GSDMB: variants seen among roughly 807,000 people sequenced by gnomAD.
GSDMB encodes the protein gasdermin-B.
GSDMB carries 32 observed loss-of-function variants against 42.9 expected under a neutral mutation model. The ratio of observed to expected loss-of-function variants is 0.75; its 90% CI spans 0.56 to 1.00. GSDMB has a LOEUF of 1.00. Ranked by LOEUF, GSDMB falls within the 50% of genes least tolerant of loss-of-function variation. GSDMB has a pLI of 0.00. For missense variants in GSDMB, 468 were observed against 498.5 expected, an observed-to-expected ratio of 0.94 and a Z score of 0.58; for synonymous variants, 175 against 193.7, an observed-to-expected ratio of 0.90 and a Z score of 0.80.
chr17:39,909,671 G>T, intron 4 of GSDMB, 85 bp downstream of exon 4: 1 of 1,216,736 alleles, frequency 8.2e-7, no homozygotes, highest in Non-Finnish European at 1.2e-6. Context: ...AGGAGTGAAG[G>T]AAGAGTCTAA....
chr17:39,912,180 A>G (rs2063622615), intron 3 of GSDMB, 146 bp downstream of exon 3: 2 of 609,540 alleles, frequency 3.3e-6, no homozygotes, highest in South Asian at 4.7e-5. Flanking sequence ...CTAGAGAGCC[A>G]GTCCCCCACA....
chr17:39,913,462 A>C (rs1023294520), intron 2 of GSDMB, among the ~76,000 whole-genome samples: 5 of 152,118 alleles, frequency 3.3e-5, no homozygotes, highest in African/African-American at 1.2e-4. Flanking sequence ...ATCTCTACCA[A>C]ATTAGTCGGG....
In GSDMB at chr17:39,909,771, G is replaced by T; in HGVS notation, c.561C>A (p.Leu187=). Residue 187 remains leucine (L), a synonymous_variant, in exon 4 of 11, where the codon CTC becomes CTA. Coordinates refer to ENST00000418519, the MANE Select transcript of GSDMB (RefSeq NM_001165958.2). The part of the protein sequence containing the change: ...KFWSQISQGH[L]SYKHKGQREV... Reference sequence around the variant, plus strand: ...GGATCCTAACCTTGTGTTTATAGCTGAGATGGCCCTGAGAGATCTGGCTCC... The same window carrying T: ...GGATCCTAACCTTGTGTTTATAGCTTAGATGGCCCTGAGAGATCTGGCTCC... 6.2e-7 allele frequency: 1 copy of T among 1,613,916 alleles called. No individual in the cohort carries two copies. The highest frequency in any genetic ancestry group is 8.5e-7 in the Non-Finnish European group (1 of 1,179,964).
chr17:39,907,154 T>C, intron 6 of GSDMB, 167 bp from the exon 7 acceptor site: 1 of 1,448,202 alleles, frequency 6.9e-7, no homozygotes, highest in Admixed American at 2.4e-5. Context: ...AGCACTGTAT[T>C]TGCAGACCCT....
At chr17:39,918,233 T>G (rs1190156681) in intron 1 of GSDMB, 1 of 152,242 alleles carries the variant, frequency 6.6e-6, no homozygotes, top group African/African-American at 2.4e-5. Flanking sequence ...GCTCCCTGCC[T>G]TGCTGTATTC....
In GSDMB at chr17:39,904,785, G is replaced by A; in HGVS notation, c.*27C>T. 6.2e-7 allele frequency: 1 copy of A among 1,608,064 alleles called. No individual in the cohort carries two copies. Among genetic ancestry groups the A allele is most frequent in the Non-Finnish European group, 8.5e-7 (1 of 1,175,266 alleles). The stretch of plus-strand genomic sequence containing the variant: ...AGACTGGTAAAGGGAAAACCCAGAG[G>A]CTTGTGGGGAGAAAGGGCTTTTGTA... On this transcript the variant is annotated 3_prime_UTR_variant, in exon 11 of 11. Coordinates refer to ENST00000418519, the MANE Select transcript of GSDMB (RefSeq NM_001165958.2).
At chr17:39,906,452 G>C in intron 7 of GSDMB, 181 bp from the exon 8 acceptor site, 1 of 924,308 alleles carries the variant, frequency 1.1e-6, no homozygotes, top group Non-Finnish European at 1.6e-6. Context: ...GCCTCCCACT[G>C]ACCCCACTTC....
rs1381764837 is a variant in GSDMB, at chr17:39,917,071, C to T, written c.235+11G>A. The T allele has an allele frequency of 6.3e-7, 1 of 1,594,278 alleles. No individual in the cohort carries two copies. The highest frequency in any genetic ancestry group is 2.2e-5 in the East Asian group (1 of 44,792). ...TCCTGGCTGGCCACCTGTCATCTAC[C>T]TTATACTGACCTTGGAGCCCAGAAT... On this transcript the variant is annotated intron_variant, in intron 2 of 10. Coordinates refer to ENST00000418519, the MANE Select transcript of GSDMB (RefSeq NM_001165958.2).
At chr17:39,905,587 A>C in intron 9 of GSDMB, 91 bp from the exon 10 acceptor site, 2 of 1,106,358 alleles carry the variant, frequency 1.8e-6, no homozygotes, top group Non-Finnish European at 2.7e-6. Context: ...TATCATCAAA[A>C]GGTTCCAGAG....
Position 39,906,955 on chromosome 17 carries a change from C to A in GSDMB, c.727+6G>T. ...CACCCTGAACACACTTGGCTATCAC[C>A]CTTACCTAAACAGGATGAAGCACCA... On this transcript the variant is annotated splice_donor_region_variant and intron_variant, in intron 7 of 10. Transcript: ENST00000418519. The A allele has an allele frequency of 1.2e-6, 2 of 1,614,018 alleles. No homozygotes were observed. The highest frequency in any genetic ancestry group is 8.5e-7 in the Non-Finnish European group (1 of 1,179,966).
chr17:39,904,975 A>AT lies in GSDMB; in HGVS notation c.1099-12_1099-11insA. ...CATGACAGATTTCACCTGGAAGGAAACCCCCCAGATTGTAACAGCTAGGAA... is the reference window on the plus strand; with the variant it reads ...CATGACAGATTTCACCTGGAAGGAAATCCCCCCAGATTGTAACAGCTAGGAA... On this transcript the variant is annotated splice_polypyrimidine_tract_variant and intron_variant, in intron 10 of 10. Transcript: ENST00000418519. 1 of 1,612,164 alleles carries AT rather than the reference A, an allele frequency of 6.2e-7. No homozygotes were observed. Among genetic ancestry groups the AT allele is most frequent in the Non-Finnish European group, 8.5e-7 (1 of 1,178,770 alleles).
At chr17:39,912,951 A>G (rs1396335583) in intron 2 of GSDMB, among the ~76,000 whole-genome samples, 1 of 151,754 alleles carries the variant, frequency 6.6e-6, no homozygotes, top group African/African-American at 2.4e-5. Context: ...ACTAAAAAAT[A>G]CAAAAAGTAG....
chr17:39,917,471 A>G, intron 1 of GSDMB, 141 bp from the exon 2 acceptor site: 1 of 619,124 alleles, frequency 1.6e-6, no homozygotes, highest in Non-Finnish European at 2.9e-6. Flanking sequence ...GCATGTATAC[A>G]TCCAGATGGC....
At chr17:39,904,999 A>T in intron 10 of GSDMB, 35 bp from the exon 11 acceptor site, 1 of 1,592,794 alleles carries the variant, frequency 6.3e-7, no homozygotes, top group Non-Finnish European at 8.6e-7. Context: ...AACAGCTAGG[A>T]ACAACGATAT....
rs2063503713 is a variant in GSDMB at position 39,906,268 on chromosome 17, T to C, written c.731A>G (p.Lys244Arg). 1.9e-6 allele frequency: 3 copies of C among 1,614,040 alleles called. No individual in the cohort carries two copies. Among genetic ancestry groups the C allele is most frequent in the Non-Finnish European group, 1.7e-6 (2 of 1,179,958 alleles). ...TCTGGAATCCTCCGAACCCAAAGACTTTCCTGTAGAGGCAGCAATTGAGAA... is the reference window on the plus strand; with the variant it reads ...TCTGGAATCCTCCGAACCCAAAGACCTTCCTGTAGAGGCAGCAATTGAGAA... ...EKDGASSCLG[K>R]SLGSEDSRNM... Residue 244 changes from lysine to arginine, a missense_variant, in exon 8 of 11, where the codon AAG becomes AGG. By Grantham distance (26) the Lys-to-Arg change is conservative. Coordinates refer to ENST00000418519, the MANE Select transcript of GSDMB (RefSeq NM_001165958.2).
intron 2 of GSDMB, among the ~76,000 whole-genome samples, chr17:39,915,760 C>T (rs1383762011): frequency 6.6e-6 from 1 of 152,126 alleles, no homozygotes; most frequent in Non-Finnish European, 1.5e-5. Context: ...AGGTCCACCA[C>T]CTCCAAGTAA....
chr17:39,906,696 C>CA (rs2063511049), intron 7 of GSDMB: 16 of 1,206,624 alleles, frequency 1.3e-5, no homozygotes, highest in Admixed American at 3.4e-5. Context: ...GCCACACCCC[C>CA]ACAATTAAGT....
At chr17:39,910,507 G>A (rs1159070137) in intron 3 of GSDMB, among the ~76,000 whole-genome samples, 1 of 152,268 alleles carries the variant, frequency 6.6e-6, no homozygotes, top group East Asian at 1.9e-4. Flanking sequence ...GTGGTCCAAG[G>A]TCACACAGCT....
chr17:39,906,884 G>C (rs1355255194), intron 7 of GSDMB, 77 bp downstream of exon 7: 180 of 1,608,286 alleles, frequency 1.1e-4, no homozygotes, highest in Non-Finnish European at 1.5e-4. Context: ...GACCCCACCT[G>C]AGCAGCAGTC....
Sources: allele counts gnomAD v4.1 joint callset (sites outside exome capture counted in the v4.1 genomes callset), GRCh38; gene constraint gnomAD v4.1.1; transcripts MANE v1.5; gene names NCBI Gene and HGNC (gene_info 2026-07-23, HGNC 2026-07-21).